TEX36: variants seen among roughly 807,000 people sequenced by gnomAD.
TEX36 encodes testis expressed 36.
TEX36 carries 12 observed loss-of-function variants against 13.6 expected under a neutral mutation model. That is an observed-to-expected ratio of 0.88 (90% CI 0.56 to 1.43). TEX36 has a LOEUF of 1.43. Among genes scored for constraint, TEX36 ranks in the 40% most tolerant of loss-of-function variants. The pLI is 0.00. For synonymous variants in TEX36, 93 were observed against 83.0 expected (o/e 1.12, Z -0.65); for missense variants, 224 against 228.3 (o/e 0.98, Z 0.12).
At chr10:125,627,293 G>A (rs1846500460) in intron 3 of TEX36, among the ~76,000 whole-genome samples, 1 of 152,178 alleles carries the variant, frequency 6.6e-6, no homozygotes, top group African/African-American at 2.4e-5. Flanking sequence ...ATTAGATTAT[G>A]CTTTTAGATG....
At chr10:125,680,360 A>G (rs754106279) in intron 1 of TEX36, among the ~76,000 whole-genome samples, 2 of 152,234 alleles carry the variant, frequency 1.3e-5, no homozygotes, top group Non-Finnish European at 2.9e-5. Context: ...ATCACTGTAA[A>G]AAATGGCTCT....
At chr10:125,651,813 A>C (rs2133585798), downstream of TEX36, among the ~76,000 whole-genome samples, 1 of 152,358 alleles carries the variant, frequency 6.6e-6, no homozygotes, top group East Asian at 1.9e-4. Context: ...AGGATACAAA[A>C]TCAATGTGCA....
downstream of TEX36, among the ~76,000 whole-genome samples, chr10:125,653,198 T>A (rs1358989905): frequency 1.0e-4 from 15 of 149,912 alleles, no homozygotes; most frequent in African/African-American, 3.4e-4. Context: ...GTATGTTTAT[T>A]GTGGCACTAT....
rs1025097001 is a variant in TEX36 at position 125,655,727 on chromosome 10, T to C, written c.*173A>G. The stretch of plus-strand genomic sequence containing the variant: ...GCCATCTGAAAAGTTTATTTACACA[T>C]GCGTATGTCATCACAAATTCATTTC... On this transcript the variant is annotated 3_prime_UTR_variant, in exon 4 of 4. Coordinates refer to ENST00000368821, the MANE Select transcript of TEX36 (RefSeq NM_001128202.3). 1 of 1,320,876 alleles carries C rather than the reference T, an allele frequency of 7.6e-7. No individual in the cohort carries two copies. Among genetic ancestry groups the C allele is most frequent in the Non-Finnish European group, 9.6e-7 (1 of 1,038,232 alleles). 81.8% of individuals were successfully genotyped at this position (1,320,876 alleles called of 1,614,324 possible). A position where few individuals can be genotyped will look rare whatever the true frequency, so the allele number is the denominator to read the frequency against.
At chr10:125,602,157 G>A (rs757880238) in intron 3 of TEX36, among the ~76,000 whole-genome samples, 4 of 152,168 alleles carry the variant, frequency 2.6e-5, no homozygotes, top group Non-Finnish European at 5.9e-5. Context: ...AGAGTATCCT[G>A]GGGAGAAGGA....
chr10:125,584,616 G>A (rs542250768), intron 3 of TEX36, among the ~76,000 whole-genome samples: 1 of 152,190 alleles, frequency 6.6e-6, no homozygotes, highest in Non-Finnish European at 1.5e-5. Context: ...TCATAAGTGT[G>A]GGGCCCTAAT....
At chr10:125,629,099 C>A (rs1286074905) in intron 3 of TEX36, among the ~76,000 whole-genome samples, 1 of 152,166 alleles carries the variant, frequency 6.6e-6, no homozygotes, top group African/African-American at 2.4e-5. Flanking sequence ...TTGTGCAGGG[C>A]AAATTGCAAG....
At chr10:125,679,321 A>G (rs560320503) in intron 1 of TEX36, among the ~76,000 whole-genome samples, 1 of 152,210 alleles carries the variant, frequency 6.6e-6, no homozygotes, top group South Asian at 2.1e-4. Context: ...TCCCAGTAGC[A>G]ACAGCCCAAG....
chr10:125,679,061 C>T (rs1161597225), intron 1 of TEX36, among the ~76,000 whole-genome samples: 1 of 151,870 alleles, frequency 6.6e-6, no homozygotes. Flanking sequence ...TGCTCCAGTC[C>T]TGCCAGGGTT....
At position 125,661,024 on chromosome 10, in the gene TEX36, G is replaced by T. The variant is rs1446890666; in HGVS notation, c.261C>A (p.Asp87Glu). Residue 87 changes from aspartate to glutamate, a missense_variant, in exon 3 of 4, where the codon GAC (aspartate) becomes GAA (glutamate). Coordinates refer to ENST00000368821, the MANE Select transcript of TEX36 (RefSeq NM_001128202.3). ...HSLENSGCYL[D>E]SGLGRKKISP... ...TAATTTGGAAAGAAATACTCACGGA[G>T]TCAAGGTAGCATCCAGAGTTCTCCA... The T allele has an allele frequency of 1.3e-6, 2 of 1,550,900 alleles. No individual in the cohort carries two copies. Among genetic ancestry groups the T allele is most frequent in the South Asian group, 2.4e-5 (2 of 84,038 alleles).
chr10:125,588,718 G>A (rs997715818), intron 3 of TEX36, among the ~76,000 whole-genome samples: 10 of 152,174 alleles, frequency 6.6e-5, no homozygotes, highest in African/African-American at 1.9e-4. Flanking sequence ...GGGTTCAAGC[G>A]ATTCTCCTGC....
intron 3 of TEX36, among the ~76,000 whole-genome samples, chr10:125,599,087 C>A (rs752905196): frequency 6.6e-6 from 1 of 152,142 alleles, no homozygotes; most frequent in Non-Finnish European, 1.5e-5. Context: ...AGGTACTTAT[C>A]TTGGATTTTT....
intron 3 of TEX36, 33 bp downstream of exon 3, chr10:125,660,986 CCT>C: frequency 6.6e-7 from 1 of 1,512,804 alleles, no homozygotes; most frequent in Non-Finnish European, 9.0e-7. Flanking sequence ...TGTGTTGTTC[CCT>C]GTTTTATTAA....
chr10:125,681,800 A>T (rs906529006), intron 1 of TEX36, among the ~76,000 whole-genome samples: 16 of 152,226 alleles, frequency 1.1e-4, no homozygotes, highest in African/African-American at 3.9e-4. Flanking sequence ...CACTCATTGT[A>T]CTGAGCACTT....
intron 3 of TEX36, among the ~76,000 whole-genome samples, chr10:125,630,842 C>T (rs889540788): frequency 3.3e-5 from 5 of 152,082 alleles, no homozygotes; most frequent in African/African-American, 1.2e-4. Flanking sequence ...GAGGAAATTA[C>T]CCAAGGGAAG....
At chr10:125,614,003 G>A (rs1846325602) in intron 3 of TEX36, among the ~76,000 whole-genome samples, 1 of 152,166 alleles carries the variant, frequency 6.6e-6, no homozygotes, top group South Asian at 2.1e-4. Flanking sequence ...TCTCATTGTG[G>A]TTTTGATTTG....
intron 1 of TEX36, among the ~76,000 whole-genome samples, chr10:125,679,531 GA>G (rs1253475117): frequency 9.2e-5 from 14 of 152,180 alleles, no homozygotes; most frequent in African/African-American, 3.4e-4. Flanking sequence ...GAAGGGTCGA[GA>G]AGTTCTCCAT....
chr10:125,682,961 G>A lies in TEX36; in HGVS notation c.29C>T (p.Pro10Leu). The stretch of plus-strand genomic sequence containing the variant: ...TACCCATCTCCCATCCTTGTCTGAA[G>A]GTGGGTTGAAGCGTCGCCCTTTGGT... MTKGRRFNP[P>L]SDKDGRWFPH... Residue 10 changes from proline (P) to leucine (L), a missense_variant, in exon 1 of 4, where the codon CCT (proline) becomes CTT (leucine). Transcript: ENST00000368821. 3 of 1,551,760 alleles carry A rather than the reference G, an allele frequency of 1.9e-6. No homozygotes were observed. Among genetic ancestry groups the A allele is most frequent in the Non-Finnish European group, 2.6e-6 (3 of 1,147,012 alleles).
downstream of TEX36, among the ~76,000 whole-genome samples, chr10:125,618,198 T>G (rs2133557320): frequency 6.6e-6 from 1 of 152,306 alleles, no homozygotes; most frequent in South Asian, 2.1e-4. Context: ...CTAAATTTTT[T>G]TCAAAGTTTT....
Sources: gnomAD v4.1 joint callset for allele counts (sites outside exome capture counted in the v4.1 genomes callset) on GRCh38, gnomAD v4.1.1 for gene constraint, MANE v1.5 for transcripts, NCBI Gene and HGNC (gene_info 2026-07-23, HGNC 2026-07-21) for gene names.